Variants in PNPLA6 observed in about 807,000 individuals in gnomAD.
PNPLA6 encodes patatin like domain 6, lysophospholipase.
PNPLA6 carries 105 observed loss-of-function variants against 153.7 expected under a neutral mutation model. The ratio of observed to expected loss-of-function variants is 0.68; its 90% confidence interval spans 0.58 to 0.80. PNPLA6 has a LOEUF of 0.80. Among genes scored for constraint, PNPLA6 ranks in the 30% least tolerant of loss-of-function variants. The pLI, the probability that PNPLA6 is intolerant of heterozygous loss-of-function variation, is 0.00. For missense variants in PNPLA6, 1,423 were observed against 1,919.3 expected (o/e 0.74, Z 4.83); for synonymous variants, 825 against 822.2 (o/e 1.00, Z -0.06).
At position 7,561,004 on chromosome 19, in the gene PNPLA6, C is replaced by T; in HGVS notation, c.3817-10C>T. The T allele has an allele frequency of 6.3e-7, 1 of 1,593,484 alleles. No homozygotes were observed. Among genetic ancestry groups the T allele is most frequent in the South Asian group, 1.1e-5 (1 of 89,134 alleles). The stretch of plus-strand genomic sequence containing the variant: ...CCCCCCCTAAGAGCCTCACCAGTGT[C>T]ACCCCACAGGTGCTTGCCTTCCCAA... On this transcript the variant is annotated splice_polypyrimidine_tract_variant and intron_variant, in intron 29 of 31. Transcript: ENST00000600737.
upstream of PNPLA6, chr19:7,535,643 C>G (rs1056847330): frequency 3.2e-6 from 5 of 1,561,016 alleles, no homozygotes; most frequent in African/African-American, 2.7e-5. This position sits in a 1 kb window ranked among gnomAD's most constrained non-coding sequence, Gnocchi z 5.0. Context: ...CAACTCCCGG[C>G]GTGCTCAGCG....
At position 7,555,170 on chromosome 19, in the gene PNPLA6, C is replaced by G. The variant is rs898714639; in HGVS notation, c.2818-79C>G. 6 of 1,519,388 alleles carry G rather than the reference C, an allele frequency of 3.9e-6. No homozygotes were observed. The Admixed American group carries it at 1.1e-4, about 29-fold the overall frequency. The allele number at this position is 1,519,388 out of a possible 1,614,324, so 94.1% of individuals were successfully genotyped here. A position where few individuals can be genotyped will look rare whatever the true frequency, so the allele number is the denominator to read the frequency against. Reference sequence around the variant, plus strand: ...GGCCTGGGAGGGCTGAGGACAGGCTCGAAGGTCAGGGTACCCCTGGGGGAT... The same window carrying G: ...GGCCTGGGAGGGCTGAGGACAGGCTGGAAGGTCAGGGTACCCCTGGGGGAT... On this transcript the variant is annotated intron_variant, in intron 22 of 31. Coordinates refer to ENST00000600737, the MANE Select transcript of PNPLA6 (RefSeq NM_001166114.2). The surrounding 1 kb of genome is among the most constrained non-coding windows in gnomAD (Gnocchi z 6.3).
In PNPLA6 at chr19:7,555,786, G is replaced by A; in HGVS notation, c.3093+23G>A. ...AAGGTGTGTGTTGCGAGGAGGGATT[G>A]CTGCACCCCAGGAGTGCCATAAAAC... On this transcript the variant is annotated intron_variant, in intron 24 of 31. Transcript: ENST00000600737. The surrounding 1 kb of genome is among the most constrained non-coding windows in gnomAD (Gnocchi z 6.3). The A allele has an allele frequency of 6.2e-7, 1 of 1,611,136 alleles. No homozygotes were observed. Among genetic ancestry groups the A allele is most frequent in the Non-Finnish European group, 8.5e-7 (1 of 1,179,542 alleles).
In PNPLA6 at chr19:7,541,918, T is replaced by C; in HGVS notation, c.1169-66T>C. ...TTAATCAGTCGCCAGCATCTCCTTA[T>C]CTCCCAACCTGCTAATCCTCCTAGT... On this transcript the variant is annotated intron_variant, in intron 9 of 31. Transcript: ENST00000600737. This position sits in a 1 kb window ranked among gnomAD's most constrained non-coding sequence, Gnocchi z 5.2. The C allele has an allele frequency of 7.1e-7, 1 of 1,399,708 alleles. No homozygotes were observed. The highest frequency in any genetic ancestry group is 1.0e-6 in the Non-Finnish European group (1 of 994,268). The allele number at this position is 1,399,708 out of a possible 1,614,324, so 86.7% of individuals were successfully genotyped here. A position where few individuals can be genotyped will look rare whatever the true frequency, so the allele number is the denominator to read the frequency against.
At chr19:7,560,302 A>G (rs1051442976) in intron 28 of PNPLA6, among the ~76,000 whole-genome samples, 1 of 152,144 alleles carries the variant, frequency 6.6e-6, no homozygotes, top group Non-Finnish European at 1.5e-5. Flanking sequence ...GAGAAATTCA[A>G]GATGTTTGCT....
Position 7,553,945 on chromosome 19 carries a change from C to G in PNPLA6, c.2331C>G (p.Ile777Met), listed in dbSNP as rs1269539317. 1.9e-6 allele frequency: 3 copies of G among 1,614,076 alleles called. No individual in the cohort carries two copies. The highest frequency in any genetic ancestry group is 1.7e-5 in the Admixed American group (1 of 60,012). The stretch of plus-strand genomic sequence containing the variant: ...CCAGCAACCTGGCAACTGTGGCAAT[C>G]CTGCCTGTGTGTGCTGAGGTCCCCA... Reference protein sequence around the residue: ...NPASNLATVAILPVCAEVPMV... With the variant: ...NPASNLATVAMLPVCAEVPMV... Residue 777 changes from isoleucine to methionine, a missense_variant, in exon 19 of 32, where the codon ATC (isoleucine) becomes ATG (methionine). Coordinates refer to ENST00000600737, the MANE Select transcript of PNPLA6 (RefSeq NM_001166114.2).
chr19:7,540,644 T>C lies in PNPLA6; in HGVS notation c.729T>C (p.Cys243=). 1 of 1,613,478 alleles carries C rather than the reference T, an allele frequency of 6.2e-7. No homozygotes were observed. The highest frequency in any genetic ancestry group is 8.5e-7 in the Non-Finnish European group (1 of 1,179,554). ...LCLPGPDGKE[C]VVKEVVPGDS... ...CTGTGTCTCAGGACGGGAAGGAGTG[T>C]GTGGTGAAGGAAGTGGTTCCTGGGG... The change falls in exon 6 of 32, where the codon TGT becomes TGC. Residue 243 remains cysteine, a synonymous_variant. Transcript: ENST00000600737. This position sits in a 1 kb window ranked among gnomAD's most constrained non-coding sequence, Gnocchi z 6.8.
chr19:7,550,665 C>A (rs764479702), intron 16 of PNPLA6, 25 bp downstream of exon 16: 3 of 1,608,780 alleles, frequency 1.9e-6, no homozygotes, highest in African/African-American at 1.3e-5. Context: ...CACCCACTGA[C>A]CTCTGGCCTT....
intron 28 of PNPLA6, 33 bp downstream of exon 28, chr19:7,559,184 A>G (rs761918821): frequency 1.3e-6 from 2 of 1,597,656 alleles, no homozygotes; most frequent in Admixed American, 3.3e-5. Flanking sequence ...GTGCCTGCAT[A>G]GGTGGTCCGG....
rs1482376299 is a variant in PNPLA6 at position 7,535,941 on chromosome 19, C to A, written c.153C>A (p.Gly51=). 1 of 1,585,218 alleles carries A rather than the reference C, an allele frequency of 6.3e-7. No individual in the cohort carries two copies. The highest frequency in any genetic ancestry group is 8.5e-7 in the Non-Finnish European group (1 of 1,170,586). Residue 51 remains glycine (G), a synonymous_variant, in exon 1 of 32, where the codon GGC becomes GGA. Coordinates refer to ENST00000600737, the MANE Select transcript of PNPLA6 (RefSeq NM_001166114.2). This position sits in a 1 kb window ranked among gnomAD's most constrained non-coding sequence, Gnocchi z 5.0. ...QPVPFVPQVL[G]VMIGAGVAVV... ...TGCCGTTCGTCCCTCAGGTGCTTGG[C>A]GTGATGATCGGGGCCGGAGTGGCGG...
intron 16 of PNPLA6, 79 bp from the exon 17 acceptor site, chr19:7,550,915 A>T: frequency 9.1e-7 from 1 of 1,102,230 alleles, no homozygotes; most frequent in Non-Finnish European, 1.3e-6. Context: ...TAGATGGGGC[A>T]GTACAGCCCC....
In PNPLA6 at chr19:7,555,310, T is replaced by C; in HGVS notation, c.2879T>C (p.Leu960Ser). The C allele has an allele frequency of 6.3e-7, 1 of 1,578,732 alleles. No individual in the cohort carries two copies. Among genetic ancestry groups the C allele is most frequent in the Non-Finnish European group, 8.6e-7 (1 of 1,162,744 alleles). The change falls in exon 23 of 32, where the codon TTG becomes TCG. Residue 960 changes from leucine (L) to serine (S), a missense_variant. Coordinates refer to ENST00000600737, the MANE Select transcript of PNPLA6 (RefSeq NM_001166114.2). This position sits in a 1 kb window ranked among gnomAD's most constrained non-coding sequence, Gnocchi z 6.3. Reference sequence around the variant, plus strand: ...GACCGGCACAGCGACTTCTCCCGCTTGGCGAGGGTGCTCACGGGGAACACC... The same window carrying C: ...GACCGGCACAGCGACTTCTCCCGCTCGGCGAGGGTGCTCACGGGGAACACC... Reference protein sequence around the residue: ...RADRHSDFSRLARVLTGNTIA... With the variant: ...RADRHSDFSRSARVLTGNTIA...
chr19:7,546,968 G>A (rs369478981), intron 13 of PNPLA6, among the ~76,000 whole-genome samples: 1 of 151,560 alleles, frequency 6.6e-6, no homozygotes, highest in African/African-American at 2.4e-5. Flanking sequence ...GCAGTGGCGC[G>A]ATCTCAGCTC....
intron 3 of PNPLA6, among the ~76,000 whole-genome samples, chr19:7,539,227 T>A (rs2023008632): frequency 6.6e-6 from 1 of 152,140 alleles, no homozygotes; most frequent in Admixed American, 6.6e-5. Flanking sequence ...CCTGTAATCC[T>A]AGCACTTTGG....
chr19:7,548,431 G>A (rs986196680), intron 13 of PNPLA6, among the ~76,000 whole-genome samples: 1 of 151,322 alleles, frequency 6.6e-6, no homozygotes, highest in Non-Finnish European at 1.5e-5. Context: ...ATCTCATAAT[G>A]TTTTAACAAA....
At position 7,535,768 on chromosome 19, in the gene PNPLA6, C is replaced by T; in HGVS notation, c.-21C>T. On this transcript the variant is annotated 5_prime_UTR_variant, in exon 1 of 32. Coordinates refer to ENST00000600737, the MANE Select transcript of PNPLA6 (RefSeq NM_001166114.2). The surrounding 1 kb of genome is among the most constrained non-coding windows in gnomAD (Gnocchi z 5.0). ...AAGAGTCGCGCCCCCGGGGAGGGAGCAGCACTGGCCCATTCTGCAGATGGG... is the reference window on the plus strand; with the variant it reads ...AAGAGTCGCGCCCCCGGGGAGGGAGTAGCACTGGCCCATTCTGCAGATGGG... 1 of 1,527,892 alleles carries T rather than the reference C, an allele frequency of 6.5e-7. No homozygotes were observed. Among genetic ancestry groups the T allele is most frequent in the Non-Finnish European group, 8.8e-7 (1 of 1,140,400 alleles). 94.6% of individuals were successfully genotyped at this position (1,527,892 alleles called of 1,614,324 possible).
chr19:7,554,455 T>A, intron 20 of PNPLA6, 100 bp from the exon 21 acceptor site: 1 of 1,411,776 alleles, frequency 7.1e-7, no homozygotes, highest in Non-Finnish European at 1.0e-6. Context: ...GGTGGGGGTT[T>A]GGGTGTCTAA....
In PNPLA6 at chr19:7,551,017, G is replaced by T; in HGVS notation, c.2094G>T (p.Pro698=). ...IGVVEALTRQ[P]RATTVHAVRD... is the part of the protein sequence containing the mutation. ...AGGTGGAGGCACTGACCCGGCAGCCGCGAGCCACGACGGTGCACGCGGTGC... is the reference window on the plus strand; with the variant it reads ...AGGTGGAGGCACTGACCCGGCAGCCTCGAGCCACGACGGTGCACGCGGTGC... Residue 698 remains proline (P), a synonymous_variant, in exon 17 of 32, where the codon CCG becomes CCT. Coordinates refer to ENST00000600737, the MANE Select transcript of PNPLA6 (RefSeq NM_001166114.2). 1 of 1,546,216 alleles carries T rather than the reference G, an allele frequency of 6.5e-7. No homozygotes were observed. The highest frequency in any genetic ancestry group is 1.2e-5 in the South Asian group (1 of 83,992).
Position 7,561,648 on chromosome 19 carries a change from C to A in PNPLA6, c.*86C>A. The A allele has an allele frequency of 1.1e-6, 1 of 910,572 alleles. No homozygotes were observed. Among genetic ancestry groups the A allele is most frequent in the Non-Finnish European group, 1.7e-6 (1 of 575,000 alleles). 56.4% of individuals were successfully genotyped at this position (910,572 alleles called of 1,614,324 possible). On this transcript the variant is annotated 3_prime_UTR_variant, in exon 32 of 32. Transcript: ENST00000600737. ...TGGGGGTAGCTCACTCCCCCTCCTG[C>A]TGCTATGCCTGTGACCCCCGCGGCC...
Sources: gnomAD v4.1 joint callset for allele counts (sites outside exome capture counted in the v4.1 genomes callset) on GRCh38, gnomAD v4.1.1 for gene constraint, Gnocchi (gnomAD v3.1) non-coding constraint, MANE v1.5 for transcripts, NCBI Gene and HGNC (gene_info 2026-07-23, HGNC 2026-07-21) for gene names.